GRAMD1A: variants seen among roughly 807,000 people sequenced by gnomAD.
GRAMD1A encodes GRAM domain containing 1A.
Under a neutral mutation model 92.0 loss-of-function variants are expected in GRAMD1A, and 50 were observed. The observed-to-expected ratio is 0.54, with a 90% CI of 0.43 to 0.69. GRAMD1A has a LOEUF of 0.69. Among genes scored for constraint, GRAMD1A ranks in the 30% least tolerant of loss-of-function variants. The probability of loss-of-function intolerance (pLI) is 0.00; values close to 1 mark genes in which losing one functional copy is unlikely to be tolerated. For missense variants in GRAMD1A, 819 were observed against 978.9 expected (o/e 0.84, Z 2.18); for synonymous variants, 405 against 403.6 (o/e 1.00, Z -0.04).
intron 13 of GRAMD1A, among the ~76,000 whole-genome samples, chr19:35,019,894 G>A (rs561027360): frequency 2.8e-4 from 42 of 152,242 alleles, no homozygotes; most frequent in African/African-American, 9.6e-4. Flanking sequence ...AGGAAAACAC[G>A]GCAGGCTAAA....
At chr19:35,023,169 G>A (rs1427772478) in intron 17 of GRAMD1A, 67 bp from the exon 18 acceptor site, 2 of 1,103,854 alleles carry the variant, frequency 1.8e-6, no homozygotes, top group African/African-American at 1.5e-5. Context: ...CCTACAAGAT[G>A]TAGTTGTTTG....
At position 35,013,584 on chromosome 19, in the gene GRAMD1A, A is replaced by T; in HGVS notation, c.763A>T (p.Thr255Ser). The stretch of plus-strand genomic sequence containing the variant: ...AGATGTGATCGCCCTGAGCGACATC[A>T]CCTCCTCGGGGGCAGCTGACCGCAG... Reference protein sequence around the residue: ...VGDVIALSDITSSGAADRSQE... With the variant: ...VGDVIALSDISSSGAADRSQE... Residue 255 changes from threonine (T) to serine (S), a missense_variant, in exon 9 of 20, where the codon ACC becomes TCC. Thr to Ser is a moderately conservative substitution (Grantham distance 58, BLOSUM62 1). Around this residue, in one of 3 missense-constraint regions of GRAMD1A, gnomAD observed 577 missense variants for 674.6 expected, o/e 0.86. Coordinates refer to ENST00000317991, the MANE Select transcript of GRAMD1A (RefSeq NM_020895.5). The surrounding 1 kb of genome is among the most constrained non-coding windows in gnomAD (Gnocchi z 4.9). 1 of 1,612,746 alleles carries T rather than the reference A, an allele frequency of 6.2e-7. No homozygotes were observed. Among genetic ancestry groups the T allele is most frequent in the East Asian group, 2.2e-5 (1 of 44,846 alleles).
chr19:35,018,486 G>T (rs989798777), intron 11 of GRAMD1A, among the ~76,000 whole-genome samples: 5 of 152,198 alleles, frequency 3.3e-5, no homozygotes, highest in African/African-American at 1.2e-4. Context: ...CGGCATTGGG[G>T]ATTACAATTC....
At chr19:35,011,226 G>C (rs758301924) in intron 6 of GRAMD1A, among the ~76,000 whole-genome samples, 1 of 152,004 alleles carries the variant, frequency 6.6e-6, no homozygotes, top group Non-Finnish European at 1.5e-5. Context: ...AGATGCATCT[G>C]TCCCCTCCTT....
rs908117395 is a variant in GRAMD1A at position 35,026,289 on chromosome 19, G to A, written c.*148G>A. 41 of 606,514 alleles carry A rather than the reference G, an allele frequency of 6.8e-5. No homozygotes were observed. Among genetic ancestry groups the A allele is most frequent in the African/African-American group, 6.0e-4 (32 of 53,340 alleles). The allele number at this position is 606,514 out of a possible 1,614,324, so 37.6% of individuals were successfully genotyped here. A position where few individuals can be genotyped will look rare whatever the true frequency, so the allele number is the denominator to read the frequency against. On this transcript the variant is annotated 3_prime_UTR_variant, in exon 20 of 20. Coordinates refer to ENST00000317991, the MANE Select transcript of GRAMD1A (RefSeq NM_020895.5). ...GGGGCTGTGCAGACGTGGGGACCAC[G>A]GAACCGAGATGCACTTTAGACCAGG... is the stretch of plus-strand genomic sequence containing the variant.
At chr19:35,004,784 G>T (rs934995310) in intron 1 of GRAMD1A, among the ~76,000 whole-genome samples, 1 of 152,180 alleles carries the variant, frequency 6.6e-6, no homozygotes, top group African/African-American at 2.4e-5. Context: ...ATCTTAGTCC[G>T]CCAGTCCCTG....
upstream of GRAMD1A, chr19:34,996,134 A>C: frequency 6.5e-7 from 1 of 1,536,090 alleles, no homozygotes; most frequent in Non-Finnish European, 8.7e-7. Flanking sequence ...ACAGGGTGAC[A>C]GGGCCCAGGG....
At position 35,019,252 on chromosome 19, in the gene GRAMD1A, C is replaced by A; in HGVS notation, c.1275C>A (p.Tyr425Ter). The A allele has an allele frequency of 6.2e-7, 1 of 1,613,656 alleles. No individual in the cohort carries two copies. The highest frequency in any genetic ancestry group is 8.5e-7 in the Non-Finnish European group (1 of 1,179,704). The change falls in exon 12 of 20, where the codon TAC becomes TAA. Residue 425 changes from tyrosine (Y) to a stop codon, truncating the protein, a stop_gained. Coordinates refer to ENST00000317991, the MANE Select transcript of GRAMD1A (RefSeq NM_020895.5). LOFTEE classifies it high-confidence loss of function. Reference sequence around the variant, plus strand: ...GCCACCAGCGCCGGGTGCTGACGTACACCATCCCCATCAGCAACCCACTGG... The same window carrying A: ...GCCACCAGCGCCGGGTGCTGACGTAAACCATCCCCATCAGCAACCCACTGG... ...SKCHQRRVLT[Y>*]TIPISNPLGP...
In GRAMD1A at chr19:35,013,056, T is replaced by C. The variant is rs897016469; in HGVS notation, c.607-200T>C. 2.5e-4 allele frequency: 139 copies of C among 555,824 alleles called. No homozygotes were observed. The highest frequency in any genetic ancestry group is 4.8e-4 in the Middle Eastern group (1 of 2,088). 34.4% of individuals were successfully genotyped at this position (555,824 alleles called of 1,614,324 possible). ...TTGTGGGGACTTGGGAAGCAGGAAG[T>C]TTGAGTCCTGGGCGCAGGCCCTGGA... On this transcript the variant is annotated intron_variant, in intron 7 of 19. Coordinates refer to ENST00000317991, the MANE Select transcript of GRAMD1A (RefSeq NM_020895.5). This position sits in a 1 kb window ranked among gnomAD's most constrained non-coding sequence, Gnocchi z 4.9.
chr19:35,013,845 A>C lies in GRAMD1A; in HGVS notation c.870+154A>C, dbSNP rs2015428872. Among the ~76,000 whole-genome samples, 1 of 152,128 alleles carries C rather than the reference A, an allele frequency of 6.6e-6. No individual in the cohort carries two copies. The highest frequency in any genetic ancestry group is 1.5e-5 in the Non-Finnish European group (1 of 68,022). ...GGAGGAACAGGACAGGGAGGGGAAG[A>C]CGGACATGTGACAGGGAAAGAGAGA... On this transcript the variant is annotated intron_variant, in intron 9 of 19. Transcript: ENST00000317991. The surrounding 1 kb of genome is among the most constrained non-coding windows in gnomAD (Gnocchi z 4.9).
In GRAMD1A at chr19:35,013,751, G is replaced by T. The variant is rs1164526323; in HGVS notation, c.870+60G>T. On this transcript the variant is annotated intron_variant, in intron 9 of 19. Coordinates refer to ENST00000317991, the MANE Select transcript of GRAMD1A (RefSeq NM_020895.5). This position sits in a 1 kb window ranked among gnomAD's most constrained non-coding sequence, Gnocchi z 4.9. ...ATAGGAAGAGAGAGGAGGGCTGGGG[G>T]TGCAGTGGGAGAAGAACAGCCTGAC... 4.0e-6 allele frequency: 6 copies of T among 1,502,894 alleles called. No individual in the cohort carries two copies. Among genetic ancestry groups the T allele is most frequent in the Non-Finnish European group, 5.5e-6 (6 of 1,099,316 alleles). 93.1% of individuals were successfully genotyped at this position (1,502,894 alleles called of 1,614,324 possible).
chr19:34,997,388 C>CAAAAAAAAAAAAAA (rs540666102), upstream of GRAMD1A, among the ~76,000 whole-genome samples: 7 of 113,162 alleles, frequency 6.2e-5, no homozygotes, highest in East Asian at 2.6e-4. Flanking sequence ...GCCAAAAAAA[C>CAAAAAAAAAAAAAA]AAAAAAAAAA....
At chr19:35,020,536 T>TCAAA (rs145953163) in intron 13 of GRAMD1A, among the ~76,000 whole-genome samples, 30 of 150,680 alleles carry the variant, frequency 2.0e-4, no homozygotes, top group African/African-American at 2.7e-4. Context: ...AAACTCTGTC[T>TCAAA]CAAACAAACA....
intron 11 of GRAMD1A, 52 bp from the exon 12 acceptor site, chr19:35,019,139 G>A: frequency 8.1e-7 from 1 of 1,229,340 alleles, no homozygotes; most frequent in African/African-American, 1.5e-5. Context: ...CCTGTGGCCT[G>A]TGGGCAAAGG....
chr19:35,023,294 A>G lies in GRAMD1A; in HGVS notation c.1912A>G (p.Arg638Gly). ...LLFYRLWSLE[R>G]TAHTFESWHS... Reference sequence around the variant, plus strand: ...CTTCTACCGCCTCTGGTCCCTGGAAAGGACAGCCCACACCTTTGAGTCCTG... The same window carrying G: ...CTTCTACCGCCTCTGGTCCCTGGAAGGGACAGCCCACACCTTTGAGTCCTG... The change falls in exon 18 of 20, where the codon AGG becomes GGG. Residue 638 changes from arginine (R) to glycine (G), a missense_variant. By Grantham distance (125) the Arg-to-Gly change is moderately radical. Transcript: ENST00000317991. The G allele has an allele frequency of 8.1e-6, 13 of 1,614,142 alleles. No homozygotes were observed. The highest frequency in any genetic ancestry group is 7.6e-6 in the Non-Finnish European group (9 of 1,179,992).
intron 1 of GRAMD1A, among the ~76,000 whole-genome samples, chr19:35,004,365 C>T (rs192079251): frequency 7.2e-5 from 11 of 152,044 alleles, no homozygotes; most frequent in South Asian, 2.1e-4. Context: ...GAATGTGCGT[C>T]GGAATCTCTG....
Position 35,010,357 on chromosome 19 carries a change from A to G in GRAMD1A, c.503A>G (p.Gln168Arg), listed in dbSNP as rs746090275. The G allele has an allele frequency of 3.1e-6, 5 of 1,613,376 alleles. No homozygotes were observed. The South Asian group carries it at 5.5e-5, about 18-fold the overall frequency. ...KTAKLIPNAI[Q>R]ICTESEKHFF... ...GCCAAGCTGATCCCCAACGCCATCC[A>G]GATCTGCACGGAGAGCGAGAAGGTG... Residue 168 changes from glutamine (Q) to arginine (R), a missense_variant, in exon 6 of 20, where the codon CAG (glutamine) becomes CGG (arginine). By Grantham distance (43) the Gln-to-Arg change is conservative. This residue lies in a region of GRAMD1A where 144 missense variants were observed against 220.3 expected (regional missense o/e 0.65). Coordinates refer to ENST00000317991, the MANE Select transcript of GRAMD1A (RefSeq NM_020895.5).
chr19:35,012,215 C>T (rs1480449210), intron 7 of GRAMD1A, among the ~76,000 whole-genome samples: 3 of 152,188 alleles, frequency 2.0e-5, no homozygotes, highest in Non-Finnish European at 4.4e-5. Context: ...ACCCCCTCTG[C>T]CCCCCGGCTG....
upstream of GRAMD1A, chr19:34,995,899 ATCATAGC>A (rs1327750938): frequency 1.3e-6 from 1 of 782,476 alleles, no homozygotes; most frequent in African/African-American, 1.7e-5. Context: ...TGTGCTCTTA[ATCATAGC>A]TCATTTCTCT....
Sources: allele counts gnomAD v4.1 joint callset (sites outside exome capture counted in the v4.1 genomes callset), GRCh38; gene constraint gnomAD v4.1.1; regional missense constraint gnomAD v4.1.1; non-coding constraint Gnocchi (gnomAD v3.1); transcripts MANE v1.5; gene names NCBI Gene and HGNC (gene_info 2026-07-23, HGNC 2026-07-21).